Variants in CASK observed in about 807,000 individuals in gnomAD.
CASK encodes the protein peripheral plasma membrane protein CASK.
CASK carries 4 observed loss-of-function variants against 82.9 expected under a neutral mutation model. The ratio of observed to expected loss-of-function variants is 0.05; its 90% confidence interval spans 0.02 to 0.11. The LOEUF (loss-of-function observed/expected upper bound fraction) is 0.11, where lower values mean the gene tolerates loss of function less well. Ranked by LOEUF, CASK falls within the 10% of genes least tolerant of loss-of-function variation. The pLI, the probability that CASK is intolerant of heterozygous loss-of-function variation, is 1.00. For missense variants in CASK, 358 were observed against 720.9 expected (o/e 0.50, Z 5.76); for synonymous variants, 259 against 253.5 (o/e 1.02, Z -0.20).
At chrX:41,839,246 T>C (rs2070987502) in intron 2 of CASK, among the ~76,000 whole-genome samples, 1 of 111,852 alleles carries the variant, frequency 8.9e-6, no homozygotes, top group Middle Eastern at 4.6e-3. Flanking sequence ...GGAGAAATTA[T>C]ATATTTACTA....
intron 11 of CASK, among the ~76,000 whole-genome samples, chrX:41,611,824 G>A (rs1330885207): frequency 2.7e-5 from 3 of 110,353 alleles, no homozygotes; most frequent in Admixed American, 1.9e-4. Flanking sequence ...TTAGCCTGCC[G>A]AGTGCCTGCG....
In CASK at chrX:41,664,467, T is replaced by C. The variant is rs145598058; in HGVS notation, c.708+810A>G. ...CAGTGATGAGGTTGAATAGAAAGTA[T>C]GAGTTTCAGTAATAATGAGAGGAAA... On this transcript the variant is annotated intron_variant, in intron 7 of 26. Coordinates refer to ENST00000378163, the MANE Select transcript of CASK (RefSeq NM_001367721.1). Among the ~76,000 whole-genome samples, 421 of 111,315 alleles carry C rather than the reference T, an allele frequency of 3.8e-3. 2 individuals carry two copies. Among genetic ancestry groups the C allele is most frequent in the African/African-American group, 0.013 (392 of 30,606 alleles).
intron 1 of CASK, among the ~76,000 whole-genome samples, chrX:41,888,169 C>T (rs920900302): frequency 5.4e-5 from 6 of 111,207 alleles, no homozygotes; most frequent in East Asian, 2.8e-4. Flanking sequence ...GCTCTGCCTA[C>T]GCTTTCTAGT....
At chrX:41,631,086 T>C (rs2066458552) in intron 9 of CASK, among the ~76,000 whole-genome samples, 1 of 111,435 alleles carries the variant, frequency 9.0e-6, no homozygotes, top group South Asian at 3.7e-4. Context: ...TCAGGATATA[T>C]GACTAAAAGA....
intron 25 of CASK, among the ~76,000 whole-genome samples, chrX:41,525,682 T>A (rs1189521820): frequency 8.9e-6 from 1 of 111,866 alleles, no homozygotes; most frequent in African/African-American, 3.3e-5. Flanking sequence ...ATAGTAGATA[T>A]AATTTGCACA....
At chrX:41,541,022 G>A (rs1049809893) in intron 22 of CASK, among the ~76,000 whole-genome samples, 1 of 111,826 alleles carries the variant, frequency 8.9e-6, no homozygotes, top group African/African-American at 3.3e-5. Flanking sequence ...CTATATCTAT[G>A]TATCATTTAA....
intron 5 of CASK, chrX:41,696,410 T>A (rs748934820): frequency 7.6e-5 from 90 of 1,182,646 alleles, no homozygotes; most frequent in Non-Finnish European, 9.8e-5. Context: ...CTAATTCTGG[T>A]AAATATGCCA....
Position 41,519,128 on chromosome X carries a change from A to C in CASK, c.*1292T>G, listed in dbSNP as rs1198246280. ...CCTTCAAAGGTTCAATGAGCATCTAACAAATTATACAATTGTAAAGATTAT... is the reference window on the plus strand; with the variant it reads ...CCTTCAAAGGTTCAATGAGCATCTACCAAATTATACAATTGTAAAGATTAT... On this transcript the variant is annotated 3_prime_UTR_variant, in exon 27 of 27. Coordinates refer to ENST00000378163, the MANE Select transcript of CASK (RefSeq NM_001367721.1). 1 of 111,874 alleles carries C rather than the reference A, an allele frequency of 8.9e-6. No homozygotes were observed. The highest frequency in any genetic ancestry group is 1.9e-5 in the Non-Finnish European group (1 of 53,196). 9.2% of individuals were successfully genotyped at this position (111,874 alleles called of 1,213,427 possible). A position where few individuals can be genotyped will look rare whatever the true frequency, so the allele number is the denominator to read the frequency against.
intron 9 of CASK, among the ~76,000 whole-genome samples, chrX:41,628,096 A>C (rs1291909406): frequency 2.7e-5 from 3 of 112,642 alleles, no homozygotes; most frequent in Non-Finnish European, 5.6e-5. Context: ...GCAAATTGTA[A>C]AGCATTCTGT....
chrX:41,613,372 CAG>C (rs2066136552), intron 11 of CASK, among the ~76,000 whole-genome samples: 1 of 100,094 alleles, frequency 1.0e-5, no homozygotes, highest in African/African-American at 3.7e-5. Flanking sequence ...TGTGTCCACT[CAG>C]GGTTAAATGG....
At chrX:41,667,723 CTTAG>C (rs1245280131) in intron 6 of CASK, among the ~76,000 whole-genome samples, 1 of 111,273 alleles carries the variant, frequency 9.0e-6, no homozygotes, top group African/African-American at 3.3e-5. Flanking sequence ...CAGTGCCCAC[CTTAG>C]TTAAATAATT....
At chrX:41,894,511 A>C (rs766328774) in intron 1 of CASK, among the ~76,000 whole-genome samples, 1 of 107,829 alleles carries the variant, frequency 9.3e-6, no homozygotes, top group Admixed American at 9.9e-5. Flanking sequence ...TAAGCACTGG[A>C]TGCAGCAGTG....
Position 41,644,436 on chromosome X carries a change from G to C in CASK, c.832-7775C>G, listed in dbSNP as rs1482760243. ...AATCAATACCTTTGTGATTTCCTAT[G>C]CCTGTCTTTACTTTAATCTCTTAAT... On this transcript the variant is annotated intron_variant, in intron 8 of 26. Transcript: ENST00000378163. Among the ~76,000 whole-genome samples, 4 of 112,044 alleles carry C rather than the reference G, an allele frequency of 3.6e-5. No individual in the cohort carries two copies. The South Asian group carries it at 1.1e-3, about 31-fold the overall frequency.
At chrX:41,748,742 G>A (rs2068737228) in intron 3 of CASK, 1 of 115,765 alleles carries the variant, frequency 8.6e-6, no homozygotes, top group African/African-American at 3.3e-5. Flanking sequence ...ACGGAGCCTG[G>A]GGAGGAGGCA....
intron 2 of CASK, among the ~76,000 whole-genome samples, chrX:41,850,587 T>C (rs964919201): frequency 8.9e-6 from 1 of 112,328 alleles, no homozygotes; most frequent in African/African-American, 3.2e-5. Flanking sequence ...TAACGGTAAA[T>C]ATAGATATTT....
In CASK at chrX:41,656,168, C is replaced by A. The variant is rs146061747; in HGVS notation, c.831+4271G>T. Among the ~76,000 whole-genome samples, 212 of 112,085 alleles carry A rather than the reference C, an allele frequency of 1.9e-3. 3 individuals carry two copies. In the East Asian group the frequency reaches 0.055, roughly 29 times the overall value. On this transcript the variant is annotated intron_variant, in intron 8 of 26. Transcript: ENST00000378163. The stretch of plus-strand genomic sequence containing the variant: ...GGTACTGCAACAGTGCAGAGATGGG[C>A]TGCATCTAGACAGGTTTCTTTTGTA...
At chrX:41,552,777 G>A (rs1208141037) in intron 21 of CASK, 2 of 111,408 alleles carry the variant, frequency 1.8e-5, no homozygotes, top group African/African-American at 6.5e-5. Flanking sequence ...GGGAAACATG[G>A]GATAGCTGAA....
At chrX:41,871,922 T>A (rs1338892509) in intron 1 of CASK, among the ~76,000 whole-genome samples, 2 of 112,109 alleles carry the variant, frequency 1.8e-5, no homozygotes, top group Admixed American at 1.9e-4. Context: ...GCAATATTAT[T>A]CTATCTTGCT....
At chrX:41,597,169 T>C (rs929513863) in intron 12 of CASK, among the ~76,000 whole-genome samples, 2 of 112,242 alleles carry the variant, frequency 1.8e-5, no homozygotes, top group Admixed American at 1.9e-4. Context: ...TAAAATGGAA[T>C]GCATGGTAAG....
Sources: gnomAD v4.1 joint callset for allele counts (sites outside exome capture counted in the v4.1 genomes callset) on GRCh38, gnomAD v4.1.1 for gene constraint, MANE v1.5 for transcripts, NCBI Gene and HGNC (gene_info 2026-07-23, HGNC 2026-07-21) for gene names.